DCHS2: variants seen among roughly 807,000 people sequenced by gnomAD.
DCHS2 encodes the protein protocadherin-23.
Under a neutral mutation model 182.4 loss-of-function variants are expected in DCHS2, and 142 were observed. That is an observed-to-expected ratio of 0.78 (90% CI 0.68 to 0.89). The LOEUF is 0.89. Among genes scored for constraint, DCHS2 ranks in the 40% least tolerant of loss-of-function variants. The pLI, the probability that DCHS2 is intolerant of heterozygous loss-of-function variation, is 0.00. For synonymous variants in DCHS2, 1,740 were observed against 1,663.3 expected (o/e 1.05, Z -1.12); for missense variants, 4,319 against 4,198.6 (o/e 1.03, Z -0.79).
chr4:154,375,923 C>G (rs1221394803), intron 2 of DCHS2, among the ~76,000 whole-genome samples: 1 of 152,084 alleles, frequency 6.6e-6, no homozygotes, highest in East Asian at 1.9e-4. Context: ...TTGCTATACA[C>G]AACAGCATAA....
At chr4:154,334,134 T>G (rs1728663130) in intron 4 of DCHS2, 1 of 152,588 alleles carries the variant, frequency 6.6e-6, no homozygotes. Flanking sequence ...TTTAAATATA[T>G]TTGAGGAAGT....
chr4:154,249,178 T>C (rs1732227096), intron 16 of DCHS2, among the ~76,000 whole-genome samples: 1 of 152,100 alleles, frequency 6.6e-6, no homozygotes, highest in South Asian at 2.1e-4. Context: ...AAATATTCAC[T>C]AACTATGCAT....
At chr4:154,410,608 C>T (rs1217548976) in intron 1 of DCHS2, among the ~76,000 whole-genome samples, 1 of 137,448 alleles carries the variant, frequency 7.3e-6, no homozygotes, top group African/African-American at 2.8e-5. Flanking sequence ...AAAATGAAGG[C>T]AGCCTATGGG....
intron 1 of DCHS2, among the ~76,000 whole-genome samples, chr4:154,397,799 A>T (rs1317028219): frequency 3.3e-5 from 5 of 152,204 alleles, no homozygotes; most frequent in Admixed American, 3.3e-4. Flanking sequence ...TTTCAGAGCA[A>T]CAGCTTCTCA....
intron 2 of DCHS2, among the ~76,000 whole-genome samples, chr4:154,374,738 T>C (rs1428765146): frequency 6.6e-6 from 1 of 152,164 alleles, no homozygotes; most frequent in Non-Finnish European, 1.5e-5. Flanking sequence ...CAAAAGAGAA[T>C]GATTAGACCA....
intron 13 of DCHS2, among the ~76,000 whole-genome samples, chr4:154,287,271 A>G (rs528671637): frequency 3.3e-5 from 5 of 152,198 alleles, no homozygotes; most frequent in Non-Finnish European, 5.9e-5. Context: ...TTAAGGTACA[A>G]AACTCACTGG....
At chr4:154,405,858 T>G (rs1732378991) in intron 1 of DCHS2, among the ~76,000 whole-genome samples, 1 of 152,100 alleles carries the variant, frequency 6.6e-6, no homozygotes, top group Admixed American at 6.5e-5. Flanking sequence ...GTCTCGTAAG[T>G]TTTTTTTATT....
intron 1 of DCHS2, among the ~76,000 whole-genome samples, chr4:154,454,676 T>C (rs1046956547): frequency 3.3e-5 from 5 of 152,144 alleles, no homozygotes; most frequent in African/African-American, 1.2e-4. Flanking sequence ...CAAGTTCTTC[T>C]CCATCCCAGT....
At chr4:154,308,729 A>G (rs763382726) in intron 10 of DCHS2, among the ~76,000 whole-genome samples, 1 of 152,234 alleles carries the variant, frequency 6.6e-6, no homozygotes, top group Non-Finnish European at 1.5e-5. Flanking sequence ...ATTAACATAT[A>G]TAAAGAGTGA....
intron 3 of DCHS2, among the ~76,000 whole-genome samples, chr4:154,337,601 C>T (rs149252810): frequency 0.015 from 2,302 of 152,208 alleles, 29 homozygotes; most frequent in Non-Finnish European, 0.025. Flanking sequence ...CTGTACAGTA[C>T]CTTTTGCTCT....
intron 1 of DCHS2, among the ~76,000 whole-genome samples, chr4:154,417,298 C>G (rs557407145): frequency 1.5e-3 from 228 of 150,370 alleles, no homozygotes; most frequent in African/African-American, 5.1e-3. Context: ...ACAGTGCAGA[C>G]TCCCAAGTGC....
intron 1 of DCHS2, among the ~76,000 whole-genome samples, chr4:154,392,923 C>T (rs1282817942): frequency 6.6e-6 from 1 of 152,178 alleles, no homozygotes; most frequent in Non-Finnish European, 1.5e-5. Context: ...ATTGATGCAG[C>T]TTTAATACAT....
Position 154,236,859 on chromosome 4 carries a change from A to C in DCHS2, c.7793T>G (p.Phe2598Cys), listed in dbSNP as rs766010916. Residue 2598 changes from phenylalanine to cysteine, a missense_variant, in exon 20 of 20, where the codon TTT becomes TGT. By Grantham distance (205) the Phe-to-Cys change is radical. Coordinates refer to ENST00000357232, the MANE Select transcript of DCHS2 (RefSeq NM_001358235.2). The part of the protein sequence containing the change: ...SIISGNSQNN[F>C]HVETKFFHSE... ...ATGAAAGAACTTAGTTTCCACATGAAAATTGTTCTGTGAATTACCACTGAT... is the reference window on the plus strand; with the variant it reads ...ATGAAAGAACTTAGTTTCCACATGACAATTGTTCTGTGAATTACCACTGAT... 2.4e-5 allele frequency: 38 copies of C among 1,613,960 alleles called. No individual in the cohort carries two copies. The highest frequency in any genetic ancestry group is 3.1e-5 in the Non-Finnish European group (37 of 1,179,968).
At chr4:154,267,785 C>T (rs962209916) in intron 14 of DCHS2, among the ~76,000 whole-genome samples, 5 of 152,236 alleles carry the variant, frequency 3.3e-5, no homozygotes, top group African/African-American at 9.6e-5. Context: ...TTCAGAAATG[C>T]GGCAGCACCT....
chr4:154,234,306 T>TA lies in DCHS2; in HGVS notation c.*229dup, dbSNP rs1167066593. ...GACAGAATATACACTACTTAATATATACAAATGTGAGTCCTGAGAGCAACA... is the reference window on the plus strand; with the variant it reads ...GACAGAATATACACTACTTAATATATAACAAATGTGAGTCCTGAGAGCAACA... On this transcript the variant is annotated 3_prime_UTR_variant, in exon 20 of 20. Transcript: ENST00000357232. 9.5e-5 allele frequency: 50 copies of TA among 527,316 alleles called. No homozygotes were observed. Among genetic ancestry groups the TA allele is most frequent in the African/African-American group, 8.4e-4 (44 of 52,170 alleles). The allele number at this position is 527,316 out of a possible 1,614,324, so 32.7% of individuals were successfully genotyped here. A position where few individuals can be genotyped will look rare whatever the true frequency, so the allele number is the denominator to read the frequency against.
intron 16 of DCHS2, among the ~76,000 whole-genome samples, chr4:154,248,660 G>C (rs923597402): frequency 5.6e-5 from 3 of 54,032 alleles, no homozygotes; most frequent in Non-Finnish European, 2.2e-4. Flanking sequence ...GAAAGCCGGA[G>C]GCACCATATT....
chr4:154,327,528 T>C (rs901515076), intron 7 of DCHS2, among the ~76,000 whole-genome samples: 1 of 152,168 alleles, frequency 6.6e-6, no homozygotes, highest in Non-Finnish European at 1.5e-5. Context: ...AAGCACCAAA[T>C]GTCTTTTAAA....
intron 1 of DCHS2, among the ~76,000 whole-genome samples, chr4:154,390,942 AC>A (rs1731672711): frequency 6.6e-6 from 1 of 152,246 alleles, no homozygotes; most frequent in Non-Finnish European, 1.5e-5. Flanking sequence ...AATTTGGATT[AC>A]AAATACTATA....
At chr4:154,240,513 TC>T in intron 18 of DCHS2, 23 bp downstream of exon 18, 1 of 1,603,974 alleles carries the variant, frequency 6.2e-7, no homozygotes, top group Non-Finnish European at 8.5e-7. Flanking sequence ...GGCTTTGGTT[TC>T]GGCATCTCTT....
Sources: gnomAD v4.1 joint callset for allele counts (sites outside exome capture counted in the v4.1 genomes callset) on GRCh38, gnomAD v4.1.1 for gene constraint, MANE v1.5 for transcripts, NCBI Gene and HGNC (gene_info 2026-07-23, HGNC 2026-07-21) for gene names.